VAV3: variants seen among roughly 807,000 people sequenced by gnomAD.
VAV3 encodes guanine nucleotide exchange factor VAV3.
VAV3 carries 94 observed loss-of-function variants against 131.2 expected under a neutral mutation model. The observed-to-expected ratio is 0.72, with a 90% CI of 0.61 to 0.85. The LOEUF (loss-of-function observed/expected upper bound fraction) is 0.85, where lower values mean the gene tolerates loss of function less well. Among genes scored for constraint, VAV3 ranks in the 40% least tolerant of loss-of-function variants. The pLI, the probability that VAV3 is intolerant of heterozygous loss-of-function variation, is 0.00. For missense variants in VAV3, 939 were observed against 1,002.7 expected, an observed-to-expected ratio of 0.94 and a Z score of 0.86; for synonymous variants, 349 against 342.0, an observed-to-expected ratio of 1.02 and a Z score of -0.22.
At chr1:107,940,426 T>C (rs1673929436) in intron 1 of VAV3, among the ~76,000 whole-genome samples, 1 of 152,218 alleles carries the variant, frequency 6.6e-6, no homozygotes, top group South Asian at 2.1e-4. Context: ...CAGAGCCATG[T>C]AATTGCTTCC....
At chr1:107,921,821 T>C (rs1267452775) in intron 1 of VAV3, among the ~76,000 whole-genome samples, 1 of 152,254 alleles carries the variant, frequency 6.6e-6, no homozygotes, top group African/African-American at 2.4e-5. Context: ...TATATCGTTT[T>C]GATTTTCTTA....
chr1:107,866,328 G>A (rs904937212), intron 2 of VAV3, among the ~76,000 whole-genome samples: 33 of 152,144 alleles, frequency 2.2e-4, no homozygotes, highest in African/African-American at 5.8e-4. Flanking sequence ...GTACAGATTC[G>A]CCACTGGTAA....
intron 1 of VAV3, among the ~76,000 whole-genome samples, chr1:107,937,680 CTTAAAG>C (rs1158695796): frequency 4.6e-5 from 7 of 152,144 alleles, no homozygotes; most frequent in Admixed American, 1.3e-4. Context: ...CCAAAAAGCC[CTTAAAG>C]TTAATCACAA....
At chr1:107,941,826 C>T (rs1461774461) in intron 1 of VAV3, among the ~76,000 whole-genome samples, 1 of 152,134 alleles carries the variant, frequency 6.6e-6, no homozygotes, top group Non-Finnish European at 1.5e-5. Flanking sequence ...ATCATAAAAT[C>T]TCCCAGATGA....
At chr1:107,902,616 C>T (rs988530583) in intron 1 of VAV3, among the ~76,000 whole-genome samples, 7 of 151,900 alleles carry the variant, frequency 4.6e-5, no homozygotes, top group African/African-American at 7.3e-5. Context: ...TGTTCTTTTA[C>T]GTATTTTAGA....
intron 1 of VAV3, among the ~76,000 whole-genome samples, chr1:107,935,199 A>C (rs1673648868): frequency 6.6e-6 from 1 of 152,230 alleles, no homozygotes; most frequent in African/African-American, 2.4e-5. Flanking sequence ...ACAGTTCTCC[A>C]AAGCAAAGCA....
intron 19 of VAV3, among the ~76,000 whole-genome samples, chr1:107,660,541 G>A (rs1656937420): frequency 6.6e-6 from 1 of 152,192 alleles, no homozygotes; most frequent in African/African-American, 2.4e-5. Context: ...ACAGACTGAA[G>A]CTTTCACTTT....
At position 107,690,015 on chromosome 1, in the gene VAV3, G is replaced by C. The variant is rs1400654533; in HGVS notation, c.1706-1609C>G. Among the ~76,000 whole-genome samples, 3 of 152,168 alleles carry C rather than the reference G, an allele frequency of 2.0e-5. No homozygotes were observed. In the East Asian group the frequency reaches 5.8e-4, roughly 29 times the overall value. ...AACTGCAGGAAGTGCTAAACAGTGG[G>C]AGCAGTTTAAGTTTTCCATCCAAGG... On this transcript the variant is annotated intron_variant, in intron 17 of 26. Transcript: ENST00000370056.
intron 2 of VAV3, among the ~76,000 whole-genome samples, chr1:107,784,672 A>T (rs1665887878): frequency 6.6e-6 from 1 of 152,258 alleles, no homozygotes; most frequent in African/African-American, 2.4e-5. Context: ...TAAGGGCAGT[A>T]GAATCAAAGT....
At chr1:107,629,340 A>T (rs2101360584) in intron 20 of VAV3, among the ~76,000 whole-genome samples, 1 of 152,300 alleles carries the variant, frequency 6.6e-6, no homozygotes, top group East Asian at 1.9e-4. Context: ...CTTTTCTGGG[A>T]AAATAAAGTT....
At chr1:107,911,070 T>C (rs1470389967) in intron 1 of VAV3, among the ~76,000 whole-genome samples, 3 of 152,098 alleles carry the variant, frequency 2.0e-5, no homozygotes, top group Non-Finnish European at 4.4e-5. Context: ...AAATAAAATG[T>C]TACTCAATTG....
chr1:107,746,462 C>A (rs539997732), intron 15 of VAV3, among the ~76,000 whole-genome samples: 3 of 152,246 alleles, frequency 2.0e-5, no homozygotes, highest in African/African-American at 7.2e-5. Context: ...GATTAAGAAA[C>A]CCAGGTTCTG....
At chr1:107,743,844 G>T (rs1280832571) in intron 15 of VAV3, among the ~76,000 whole-genome samples, 1 of 152,192 alleles carries the variant, frequency 6.6e-6, no homozygotes, top group African/African-American at 2.4e-5. Flanking sequence ...TGAGTTTGAA[G>T]ATAATACTTG....
chr1:107,865,978 G>A (rs1383135587), intron 2 of VAV3, among the ~76,000 whole-genome samples: 1 of 152,128 alleles, frequency 6.6e-6, no homozygotes, highest in African/African-American at 2.4e-5. Context: ...AAGGGAAAAA[G>A]TCTCAGATAG....
chr1:107,769,915 C>T (rs1389399772), intron 6 of VAV3, among the ~76,000 whole-genome samples: 1 of 152,192 alleles, frequency 6.6e-6, no homozygotes, highest in Non-Finnish European at 1.5e-5. Context: ...TCTCGATTAA[C>T]ACAATTTTCT....
rs1649297379 is a variant in VAV3, at chr1:107,572,034, A to T, written c.*1297T>A. 6.6e-6 allele frequency: 1 copy of T among 152,202 alleles called. No homozygotes were observed. Among genetic ancestry groups the T allele is most frequent in the African/African-American group, 2.4e-5 (1 of 41,448 alleles). 9.4% of individuals were successfully genotyped at this position (152,202 alleles called of 1,614,324 possible). Reference sequence around the variant, plus strand: ...TGTCAGAACACAACTTCTGCTATGGAGGAAATATTTCCATCAGGAAAGGGC... The same window carrying T: ...TGTCAGAACACAACTTCTGCTATGGTGGAAATATTTCCATCAGGAAAGGGC... On this transcript the variant is annotated 3_prime_UTR_variant, in exon 27 of 27. Coordinates refer to ENST00000370056, the MANE Select transcript of VAV3 (RefSeq NM_006113.5).
chr1:107,609,753 T>C, intron 22 of VAV3, 178 bp downstream of exon 22: 1 of 613,358 alleles, frequency 1.6e-6, no homozygotes, highest in Non-Finnish European at 2.8e-6. Flanking sequence ...CCCTCGCAGA[T>C]AAAGATATGG....
chr1:107,615,165 C>T (rs1474220974), intron 21 of VAV3, among the ~76,000 whole-genome samples: 1 of 152,016 alleles, frequency 6.6e-6, no homozygotes, highest in African/African-American at 2.4e-5. Flanking sequence ...GAAATAATGC[C>T]ACACACCTAA....
intron 1 of VAV3, among the ~76,000 whole-genome samples, chr1:107,949,148 G>C (rs1403632784): frequency 1.3e-5 from 2 of 152,138 alleles, no homozygotes; most frequent in Non-Finnish European, 2.9e-5. Flanking sequence ...CTCAAAGTCA[G>C]AATCTAGAAA....
Sources: gnomAD v4.1 joint callset for allele counts (sites outside exome capture counted in the v4.1 genomes callset) on GRCh38, gnomAD v4.1.1 for gene constraint, MANE v1.5 for transcripts, NCBI Gene and HGNC (gene_info 2026-07-23, HGNC 2026-07-21) for gene names.